The following ADAMTS6 variants were observed in gnomAD, a reference collection of about 807,000 sequenced individuals.
ADAMTS6 encodes A disintegrin and metalloproteinase with thrombospondin motifs 6.
In ADAMTS6, 23 loss-of-function variants were observed where a neutral mutation model predicts 144.3. That is an observed-to-expected ratio of 0.16 (90% CI 0.11 to 0.23). The LOEUF is 0.23. Ranked by LOEUF, ADAMTS6 falls within the 10% of genes least tolerant of loss-of-function variation. ADAMTS6 has a pLI of 1.00. For missense variants in ADAMTS6, 999 were observed against 1,379.6 expected (o/e 0.72, Z 4.37); for synonymous variants, 444 against 457.5 (o/e 0.97, Z 0.38).
At position 65,455,636 on chromosome 5, in the gene ADAMTS6, T is replaced by TA. The variant is rs879329260; in HGVS notation, c.632-2719dup. ...TCAAATCCTAAATTAATGTTTCTAC[T>TA]AAAAAAAAAAATACAAAAATTAGCT... On this transcript the variant is annotated intron_variant, in intron 4 of 24. Transcript: ENST00000381055. 3.3e-3 allele frequency among the ~76,000 whole-genome samples: 483 copies of TA among 145,444 alleles called. 2 individuals are homozygous for TA. Among genetic ancestry groups the TA allele is most frequent in the African/African-American group, 0.011 (419 of 39,688 alleles).
chr5:65,232,717 A>G (rs1758354941), intron 15 of ADAMTS6, among the ~76,000 whole-genome samples: 1 of 151,918 alleles, frequency 6.6e-6, no homozygotes, highest in East Asian at 1.9e-4. Flanking sequence ...AAAACCTCTC[A>G]TCAAATAAAA....
intron 7 of ADAMTS6, among the ~76,000 whole-genome samples, chr5:65,381,646 AAAGTG>A: frequency 6.6e-6 from 1 of 150,884 alleles, no homozygotes; most frequent in African/African-American, 2.4e-5. Context: ...TTGGCCTCCA[AAAGTG>A]CGGGGATTAC....
At chr5:65,422,951 T>TACAC (rs146500695) in intron 7 of ADAMTS6, among the ~76,000 whole-genome samples, 3 of 150,418 alleles carry the variant, frequency 2.0e-5, no homozygotes, top group Non-Finnish European at 4.4e-5. Context: ...TATATACACA[T>TACAC]ACACACACAC....
chr5:65,357,638 C>A (rs1282515021), intron 7 of ADAMTS6, among the ~76,000 whole-genome samples: 3 of 137,944 alleles, frequency 2.2e-5, no homozygotes, highest in African/African-American at 6.2e-5. Context: ...TCAAAAAAAA[C>A]ATAAACAAAA....
intron 12 of ADAMTS6, among the ~76,000 whole-genome samples, chr5:65,269,411 A>G (rs1761885698): frequency 6.6e-6 from 1 of 152,206 alleles, no homozygotes; most frequent in African/African-American, 2.4e-5. Context: ...AACACTGTTT[A>G]CAGGTAGAAA....
intron 11 of ADAMTS6, among the ~76,000 whole-genome samples, chr5:65,277,174 T>A (rs916577079): frequency 2.0e-5 from 3 of 152,152 alleles, no homozygotes; most frequent in African/African-American, 7.2e-5. Context: ...CAACTTCCAA[T>A]CAGTTAGGAG....
chr5:65,285,049 A>G (rs1763258530), intron 11 of ADAMTS6, among the ~76,000 whole-genome samples: 1 of 152,180 alleles, frequency 6.6e-6, no homozygotes, highest in South Asian at 2.1e-4. Context: ...TTTGGAGGGC[A>G]AGAGAAAAGG....
chr5:65,431,794 T>C (rs1319626482), intron 7 of ADAMTS6, among the ~76,000 whole-genome samples: 7 of 152,064 alleles, frequency 4.6e-5, no homozygotes, highest in African/African-American at 1.7e-4. Context: ...CATATTAAGG[T>C]TGAGATGCAT....
Position 65,326,931 on chromosome 5 carries a change from A to T in ADAMTS6, c.1223+2447T>A, listed in dbSNP as rs187419320. Among the ~76,000 whole-genome samples the T allele has an allele frequency of 2.9e-3, 447 of 152,314 alleles. 1 individual carries two copies. The highest frequency in any genetic ancestry group is 9.7e-3 in the African/African-American group (405 of 41,570). On this transcript the variant is annotated intron_variant, in intron 9 of 24. Transcript: ENST00000381055. Reference sequence around the variant, plus strand: ...AAATAATAATTTGACATATTGAAAAAAATAGTATGTTGATATAGTTTGGAT... The same window carrying T: ...AAATAATAATTTGACATATTGAAAATAATAGTATGTTGATATAGTTTGGAT...
intron 7 of ADAMTS6, among the ~76,000 whole-genome samples, chr5:65,438,821 A>G (rs896052845): frequency 2.8e-4 from 42 of 152,284 alleles, no homozygotes; most frequent in African/African-American, 1.0e-3. Context: ...TTTTATAACC[A>G]TTTATTAGAC....
chr5:65,399,231 G>A (rs1753715257), intron 7 of ADAMTS6, among the ~76,000 whole-genome samples: 1 of 152,216 alleles, frequency 6.6e-6, no homozygotes, highest in South Asian at 2.1e-4. Context: ...ACTCCAGCCT[G>A]AGCCACAGAA....
intron 7 of ADAMTS6, among the ~76,000 whole-genome samples, chr5:65,425,141 C>A (rs1305516744): frequency 6.6e-6 from 1 of 152,084 alleles, no homozygotes; most frequent in African/African-American, 2.4e-5. Flanking sequence ...GGATTACAGG[C>A]GCACGGCACC....
intron 19 of ADAMTS6, 87 bp downstream of exon 19, chr5:65,215,237 T>A: frequency 7.1e-7 from 1 of 1,415,786 alleles, no homozygotes; most frequent in Non-Finnish European, 9.7e-7. Context: ...TCATCACCTG[T>A]AAAGCAGAGA....
chr5:65,237,146 T>C (rs940351385), intron 15 of ADAMTS6, among the ~76,000 whole-genome samples: 2 of 151,802 alleles, frequency 1.3e-5, no homozygotes, highest in African/African-American at 2.4e-5. Flanking sequence ...ATAATCCCAG[T>C]ACTTTGGCAG....
chr5:65,246,300 T>G (rs1759628142), intron 14 of ADAMTS6, among the ~76,000 whole-genome samples: 1 of 152,186 alleles, frequency 6.6e-6, no homozygotes, highest in Admixed American at 6.6e-5. Flanking sequence ...ACATCATAAC[T>G]TACTGTTAGT....
intron 20 of ADAMTS6, among the ~76,000 whole-genome samples, chr5:65,201,314 G>C (rs1381163131): frequency 6.6e-6 from 1 of 150,930 alleles, no homozygotes; most frequent in Non-Finnish European, 1.5e-5. Context: ...GCTGCCCAAT[G>C]TTCTCATGTG....
chr5:65,325,889 G>C (rs944993304), intron 9 of ADAMTS6, among the ~76,000 whole-genome samples: 1 of 152,100 alleles, frequency 6.6e-6, no homozygotes, highest in African/African-American at 2.4e-5. Context: ...AACAATGTAT[G>C]ATCTTAGAAC....
chr5:65,263,859 C>A (rs918215495), intron 12 of ADAMTS6, among the ~76,000 whole-genome samples: 1 of 152,046 alleles, frequency 6.6e-6, no homozygotes, highest in African/African-American at 2.4e-5. Context: ...ATATGAATAA[C>A]AATAAGGAAC....
chr5:65,261,467 T>A (rs1438466349), intron 13 of ADAMTS6, among the ~76,000 whole-genome samples: 1 of 152,102 alleles, frequency 6.6e-6, no homozygotes, highest in Non-Finnish European at 1.5e-5. Context: ...CAGGGTTTTT[T>A]ATACTTTGAT....
Sources: gnomAD v4.1 joint callset for allele counts (sites outside exome capture counted in the v4.1 genomes callset) on GRCh38, gnomAD v4.1.1 for gene constraint, MANE v1.5 for transcripts, NCBI Gene and HGNC (gene_info 2026-07-23, HGNC 2026-07-21) for gene names.